ST3GAL2: variants seen among roughly 807,000 people sequenced by gnomAD.
ST3GAL2 encodes ST3 beta-galactoside alpha-2,3-sialyltransferase 2.
ST3GAL2 carries 16 observed loss-of-function variants against 37.5 expected under a neutral mutation model. That is an observed-to-expected ratio of 0.43 (90% CI 0.29 to 0.65). ST3GAL2 has a LOEUF of 0.65. Ranked by LOEUF, ST3GAL2 falls within the 30% of genes least tolerant of loss-of-function variation. The pLI, the probability that ST3GAL2 is intolerant of heterozygous loss-of-function variation, is 0.17. For missense variants in ST3GAL2, 383 were observed against 487.8 expected, an observed-to-expected ratio of 0.79 and a Z score of 2.02; for synonymous variants, 238 against 202.9, an observed-to-expected ratio of 1.17 and a Z score of -1.47.
At chr16:70,383,384 G>A (rs1055158588) in intron 4 of ST3GAL2, 149 bp from the exon 5 acceptor site, 2 of 643,060 alleles carry the variant, frequency 3.1e-6, no homozygotes, top group East Asian at 7.3e-5. Context: ...AGGAGTTTGA[G>A]GCCAGCCTGA....
intron 1 of ST3GAL2, among the ~76,000 whole-genome samples, chr16:70,413,748 TAATA>T (rs56300235): frequency 0.02 from 2,979 of 145,442 alleles, 42 homozygotes; most frequent in Middle Eastern, 0.09. Flanking sequence ...AAAAAGAAAA[TAATA>T]AATAAATAAA....
chr16:70,383,204 C>G lies in ST3GAL2; in HGVS notation c.745G>C (p.Val249Leu). 1.9e-6 allele frequency: 3 copies of G among 1,611,114 alleles called. No homozygotes were observed. Among genetic ancestry groups the G allele is most frequent in the Non-Finnish European group, 2.5e-6 (3 of 1,179,294 alleles). The change falls in exon 5 of 7, where the codon GTG becomes CTG. Residue 249 changes from valine to leucine, a missense_variant. This residue lies in a region of ST3GAL2 where 160 missense variants were observed against 248.6 expected (regional missense o/e 0.64). Transcript: ENST00000342907. ...GGGGAGCTTACCTTTTCTTTATCCA[C>G]TCGAAGGAAGGACTTCACTGGGGCG... ...TYAPVKSFLR[V>L]DKEKVQIYNP...
At chr16:70,436,083 A>T (rs1361173028) in intron 1 of ST3GAL2, among the ~76,000 whole-genome samples, 1 of 150,500 alleles carries the variant, frequency 6.6e-6, no homozygotes, top group Non-Finnish European at 1.5e-5. Context: ...CTGAGATCAC[A>T]CCACTGCACT....
intron 2 of ST3GAL2, among the ~76,000 whole-genome samples, chr16:70,395,393 T>C (rs1002654786): frequency 6.6e-6 from 1 of 152,216 alleles, no homozygotes; most frequent in Non-Finnish European, 1.5e-5. Context: ...TGAGTCTCAA[T>C]GTCCAGAGAT....
chr16:70,425,757 GA>G (rs1236394119), intron 1 of ST3GAL2, among the ~76,000 whole-genome samples: 10 of 152,124 alleles, frequency 6.6e-5, no homozygotes, highest in Admixed American at 6.5e-4. Flanking sequence ...ATCTGATGCA[GA>G]AGGGCTGCCC....
chr16:70,386,899 C>T (rs1340970779), intron 4 of ST3GAL2, among the ~76,000 whole-genome samples: 2 of 152,116 alleles, frequency 1.3e-5, no homozygotes, highest in African/African-American at 4.8e-5. Flanking sequence ...CCGCCTTGGC[C>T]TCCCAAGGTG....
intron 4 of ST3GAL2, among the ~76,000 whole-genome samples, chr16:70,387,190 A>G (rs1401816695): frequency 2.6e-5 from 4 of 152,056 alleles, no homozygotes; most frequent in African/African-American, 4.8e-5. Context: ...TGGGAGGCGG[A>G]GGTTACAGTG....
rs1597562316 is a variant in ST3GAL2, at chr16:70,398,236, G to A, written c.295C>T (p.Arg99Ter). The A allele has an allele frequency of 6.2e-7, 1 of 1,613,420 alleles. No individual in the cohort carries two copies. Among genetic ancestry groups the A allele is most frequent in the Non-Finnish European group, 8.5e-7 (1 of 1,180,034 alleles). Residue 99 changes from arginine (R) to a stop codon, truncating the protein, a stop_gained, in exon 2 of 7, where the codon CGA (arginine) becomes TGA (stop). Coordinates refer to ENST00000342907, the MANE Select transcript of ST3GAL2 (RefSeq NM_006927.4). LOFTEE classifies it high-confidence loss of function. ...TCCGGTGGAAGATCCATGTTCTCTC[G>A]GGTCCAGACGGGGGAAATGTTACCG... ...FDGNISPVWT[R>*]ENMDLPPDVQ...
At chr16:70,414,925 G>A (rs1214299819) in intron 1 of ST3GAL2, among the ~76,000 whole-genome samples, 1 of 152,014 alleles carries the variant, frequency 6.6e-6, no homozygotes, top group Non-Finnish European at 1.5e-5. Context: ...CCAGGCTGGA[G>A]TGCAGTGGCA....
chr16:70,398,451 G>A lies in ST3GAL2; in HGVS notation c.80C>T (p.Ser27Leu), dbSNP rs148415928. ...VFIMSLLFTY[S>L]HHSMATLPYL... The stretch of plus-strand genomic sequence containing the variant: ...GGGGAGCGTGGCCATGCTGTGGTGC[G>A]AGTAGGTGAAGAGCAGGGACATGAT... The change falls in exon 2 of 7, where the codon TCG (serine) becomes TTG (leucine). Residue 27 changes from serine (S) to leucine (L), a missense_variant. By Grantham distance (145) the Ser-to-Leu change is moderately radical. This residue lies in a region of ST3GAL2 where 223 missense variants were observed against 239.1 expected (regional missense o/e 0.93). Coordinates refer to ENST00000342907, the MANE Select transcript of ST3GAL2 (RefSeq NM_006927.4). 11 of 1,613,582 alleles carry A rather than the reference G, an allele frequency of 6.8e-6. No individual in the cohort carries two copies. The highest frequency in any genetic ancestry group is 2.2e-5 in the South Asian group (2 of 91,090).
intron 1 of ST3GAL2, among the ~76,000 whole-genome samples, chr16:70,408,071 G>A (rs1178805647): frequency 6.6e-6 from 1 of 152,122 alleles, no homozygotes; most frequent in Non-Finnish European, 1.5e-5. Flanking sequence ...TGAAGCCACA[G>A]CCTACTGCTC....
chr16:70,430,071 ACAGC>A (rs1216187070), intron 1 of ST3GAL2, among the ~76,000 whole-genome samples: 2 of 152,210 alleles, frequency 1.3e-5, no homozygotes, highest in African/African-American at 4.8e-5. Flanking sequence ...TCCCTTGAGG[ACAGC>A]CAAACAGACC....
At chr16:70,424,103 C>T (rs1452886806) in intron 1 of ST3GAL2, among the ~76,000 whole-genome samples, 1 of 151,154 alleles carries the variant, frequency 6.6e-6, no homozygotes, top group Non-Finnish European at 1.5e-5. Flanking sequence ...TCTCCTGCCT[C>T]AGCCTCCTGA....
chr16:70,383,303 C>A lies in ST3GAL2; in HGVS notation c.714-68G>T, dbSNP rs1451090162. 7.8e-5 allele frequency: 116 copies of A among 1,485,586 alleles called. 2 individuals are homozygous for A. The East Asian group carries it at 2.8e-3, about 35-fold the overall frequency. 92.0% of individuals were successfully genotyped at this position (1,485,586 alleles called of 1,614,324 possible). A position where few individuals can be genotyped will look rare whatever the true frequency, so the allele number is the denominator to read the frequency against. On this transcript the variant is annotated intron_variant, in intron 4 of 6. Transcript: ENST00000342907. ...CGGTGGCTCACACCTGTAATCCCAGCACTTTGGGAGGCTGAGGCAGGTGGA... is the reference window on the plus strand; with the variant it reads ...CGGTGGCTCACACCTGTAATCCCAGAACTTTGGGAGGCTGAGGCAGGTGGA...
At position 70,426,195 on chromosome 16, in the gene ST3GAL2, T is replaced by TG. The variant is rs201199087; in HGVS notation, c.-1004+12753_-1004+12754insC. 6.1e-3 allele frequency among the ~76,000 whole-genome samples: 878 copies of TG among 143,416 alleles called. 21 individuals are homozygous for TG. In the East Asian group the frequency reaches 0.099, roughly 16 times the overall value. 94.1% of individuals were successfully genotyped at this position (143,416 alleles called of 152,430 possible). A position where few individuals can be genotyped will look rare whatever the true frequency, so the allele number is the denominator to read the frequency against. ...GGGGCCAAAGCCTTTTTTTTTTTTT[T>TG]TTTTTTTTTTGTTTTTGAGACTGAA... On this transcript the variant is annotated intron_variant, in intron 1 of 6. Coordinates refer to ENST00000342907, the MANE Select transcript of ST3GAL2 (RefSeq NM_006927.4).
intron 2 of ST3GAL2, among the ~76,000 whole-genome samples, chr16:70,396,450 T>C (rs1219007341): frequency 2.6e-5 from 4 of 151,970 alleles, no homozygotes; most frequent in Admixed American, 1.3e-4. Flanking sequence ...AATTCCTATA[T>C]AAAAATTAGC....
At chr16:70,404,353 G>C (rs1026983272) in intron 1 of ST3GAL2, among the ~76,000 whole-genome samples, 2 of 152,170 alleles carry the variant, frequency 1.3e-5, no homozygotes, top group Admixed American at 6.5e-5. Flanking sequence ...AAAGTAAGGC[G>C]AGGACTGAGA....
intron 1 of ST3GAL2, among the ~76,000 whole-genome samples, chr16:70,421,532 G>T (rs1174132555): frequency 6.6e-6 from 1 of 152,212 alleles, no homozygotes; most frequent in East Asian, 1.9e-4. Context: ...AAGGAAGGAC[G>T]CACAGACCTT....
In ST3GAL2 at chr16:70,376,956, T is replaced by G. The variant is rs1176025515; in HGVS notation, c.*4733A>C. Reference sequence around the variant, plus strand: ...CGGGGTTTCACCATCTTGGCCAGGCTGGTCTTGAACTCCTGACCTCGTGAT... The same window carrying G: ...CGGGGTTTCACCATCTTGGCCAGGCGGGTCTTGAACTCCTGACCTCGTGAT... On this transcript the variant is annotated 3_prime_UTR_variant, in exon 7 of 7. Transcript: ENST00000342907. The G allele has an allele frequency of 6.6e-6, 1 of 151,570 alleles. No homozygotes were observed. Among genetic ancestry groups the G allele is most frequent in the African/African-American group, 2.4e-5 (1 of 41,282 alleles). The allele number at this position is 151,570 out of a possible 1,614,324, so 9.4% of individuals were successfully genotyped here.
Sources: gnomAD v4.1 joint callset for allele counts (sites outside exome capture counted in the v4.1 genomes callset) on GRCh38, gnomAD v4.1.1 for gene constraint, gnomAD v4.1.1 regional missense constraint, MANE v1.5 for transcripts, NCBI Gene and HGNC (gene_info 2026-07-23, HGNC 2026-07-21) for gene names.